Variants in YBX3 observed in about 807,000 individuals in gnomAD.
YBX3 encodes the protein Y-box-binding protein 3.
In YBX3, 29 loss-of-function variants were observed where a neutral mutation model predicts 42.4. The ratio of observed to expected loss-of-function variants is 0.68; its 90% CI spans 0.51 to 0.93. The LOEUF (loss-of-function observed/expected upper bound fraction) is 0.93, where lower values mean the gene tolerates loss of function less well. YBX3 is among the 40% of genes least tolerant of loss of function. YBX3 has a pLI of 0.00. For synonymous variants in YBX3, 195 were observed against 189.8 expected (o/e 1.03, Z -0.22); for missense variants, 517 against 527.5 (o/e 0.98, Z 0.19).
intron 6 of YBX3, among the ~76,000 whole-genome samples, chr12:10,705,006 C>T (rs1249983475): frequency 6.6e-6 from 1 of 152,212 alleles, no homozygotes; most frequent in East Asian, 1.9e-4. Context: ...TCAAGTTTCA[C>T]CATTTATCCC....
intron 2 of YBX3, 73 bp from the exon 3 acceptor site, chr12:10,718,194 T>G: frequency 7.3e-7 from 1 of 1,365,744 alleles, no homozygotes; most frequent in Non-Finnish European, 1.0e-6. Flanking sequence ...CTATGTGTTA[T>G]GAATTTAACT....
rs371143484 is a variant in YBX3 at position 10,703,948 on chromosome 12, T to A, written c.878+103A>T. 9.2e-5 allele frequency: 102 copies of A among 1,106,062 alleles called. No homozygotes were observed. In the African/African-American group the frequency reaches 1.4e-3, roughly 15 times the overall value. 68.5% of individuals were successfully genotyped at this position (1,106,062 alleles called of 1,614,324 possible). A position where few individuals can be genotyped will look rare whatever the true frequency, so the allele number is the denominator to read the frequency against. Reference sequence around the variant, plus strand: ...GGCATGTAGTCAAAGCATTCACATCTTCTAGATATATAATAAATCCACAAA... The same window carrying A: ...GGCATGTAGTCAAAGCATTCACATCATCTAGATATATAATAAATCCACAAA... On this transcript the variant is annotated intron_variant, in intron 7 of 9. Transcript: ENST00000228251.
Position 10,699,187 on chromosome 12 carries a change from C to T in YBX3, c.*502G>A, listed in dbSNP as rs182161188. 158 of 152,222 alleles carry T rather than the reference C, an allele frequency of 1.0e-3. No homozygotes were observed. The highest frequency in any genetic ancestry group is 3.7e-3 in the African/African-American group (152 of 41,404). 9.4% of individuals were successfully genotyped at this position (152,222 alleles called of 1,614,324 possible). ...GCAAAAATGTTATCCTCCCCTCATC[C>T]TAGAAATAAATAAGAAGGACATAAA... On this transcript the variant is annotated 3_prime_UTR_variant, in exon 10 of 10. Coordinates refer to ENST00000228251, the MANE Select transcript of YBX3 (RefSeq NM_003651.5).
intron 3 of YBX3, among the ~76,000 whole-genome samples, chr12:10,716,874 T>A (rs1026777747): frequency 1.3e-5 from 2 of 152,162 alleles, no homozygotes; most frequent in Non-Finnish European, 1.5e-5. Context: ...TGGGCAAGCC[T>A]CAACACATTG....
chr12:10,716,369 G>C (rs941101703), intron 3 of YBX3, among the ~76,000 whole-genome samples: 3 of 152,160 alleles, frequency 2.0e-5, no homozygotes, highest in South Asian at 2.1e-4. Context: ...GGGAAGTGGA[G>C]GAGGGGGAAT....
Position 10,723,002 on chromosome 12 carries a change from C to T in YBX3, c.110G>A (p.Gly37Asp). Reference protein sequence around the residue: ...PQDPAPKSPVGSGAPQAAAPA... With the variant: ...PQDPAPKSPVDSGAPQAAAPA... ...GGCCGCGGCCTGGGGCGCACCGCTG[C>T]CCACCGGGCTCTTGGGCGCGGGGTC... Residue 37 changes from glycine (G) to aspartate (D), a missense_variant, in exon 1 of 10, where the codon GGC becomes GAC. By Grantham distance (94) the Gly-to-Asp change is moderately conservative. Coordinates refer to ENST00000228251, the MANE Select transcript of YBX3 (RefSeq NM_003651.5). The T allele has an allele frequency of 8.3e-7, 1 of 1,210,462 alleles. No homozygotes were observed. The highest frequency in any genetic ancestry group is 1.0e-6 in the Non-Finnish European group (1 of 976,618). 75.0% of individuals were successfully genotyped at this position (1,210,462 alleles called of 1,614,324 possible).
chr12:10,721,500 T>C (rs918395214), intron 1 of YBX3, among the ~76,000 whole-genome samples: 1 of 152,208 alleles, frequency 6.6e-6, no homozygotes, highest in Non-Finnish European at 1.5e-5. Flanking sequence ...AAATATTTGC[T>C]AGAAACAACA....
intron 4 of YBX3, among the ~76,000 whole-genome samples, chr12:10,713,608 A>C (rs957441736): frequency 6.6e-6 from 1 of 152,236 alleles, no homozygotes; most frequent in Non-Finnish European, 1.5e-5. Context: ...AAAGAACATA[A>C]ATTAGCAAAT....
intron 3 of YBX3, 148 bp from the exon 4 acceptor site, chr12:10,715,931 CACA>C (rs368507678): frequency 1.6e-5 from 10 of 641,882 alleles, no homozygotes; most frequent in African/African-American, 9.1e-5. Flanking sequence ...GGATCTCCAA[CACA>C]ACAACAAGAA....
Position 10,715,751 on chromosome 12 carries a change from A to G in YBX3, c.393T>C (p.Tyr131=), listed in dbSNP as rs781244455. 2.5e-6 allele frequency: 4 copies of G among 1,613,926 alleles called. No individual in the cohort carries two copies. Among genetic ancestry groups the G allele is most frequent in the Non-Finnish European group, 3.4e-6 (4 of 1,179,986 alleles). ...TTTCTCCATCTCCTACACTGCGCAG[A>G]TATTTCCGTGGGTTATTCTTCTTGA... ...TAIKKNNPRK[Y]LRSVGDGETV... Residue 131 remains tyrosine (Y), a synonymous_variant, in exon 4 of 10, where the codon TAT becomes TAC. Transcript: ENST00000228251.
At chr12:10,713,764 CAT>C (rs1948227542) in intron 4 of YBX3, among the ~76,000 whole-genome samples, 1 of 152,214 alleles carries the variant, frequency 6.6e-6, no homozygotes. Context: ...TTCATGGGCT[CAT>C]ATGATTCTCT....
In YBX3 at chr12:10,704,033, G is replaced by C. The variant is rs376972136; in HGVS notation, c.878+18C>G. On this transcript the variant is annotated intron_variant, in intron 7 of 9. Coordinates refer to ENST00000228251, the MANE Select transcript of YBX3 (RefSeq NM_003651.5). ...ACACAAGTCCTTTAACTGGCCATTA[G>C]TGGAAAATGCGACATACCTACGGTA... The C allele has an allele frequency of 1.2e-6, 2 of 1,612,862 alleles. No individual in the cohort carries two copies. Among genetic ancestry groups the C allele is most frequent in the Non-Finnish European group, 1.7e-6 (2 of 1,179,028 alleles).
rs963978431 is a variant in YBX3 at position 10,715,881 on chromosome 12, T to A, written c.361-98A>T. 6 of 991,346 alleles carry A rather than the reference T, an allele frequency of 6.1e-6. No homozygotes were observed. The Admixed American group carries it at 1.3e-4, about 22-fold the overall frequency. 61.4% of individuals were successfully genotyped at this position (991,346 alleles called of 1,614,324 possible). On this transcript the variant is annotated intron_variant, in intron 3 of 9. Coordinates refer to ENST00000228251, the MANE Select transcript of YBX3 (RefSeq NM_003651.5). ...CACCAGAGTGAACTTGAAGAAACTG[T>A]TGACCGATTCTTATTTTTCCACCAT...
chr12:10,715,887 G>T, intron 3 of YBX3, 104 bp from the exon 4 acceptor site: 1 of 943,352 alleles, frequency 1.1e-6, no homozygotes, highest in Non-Finnish European at 1.6e-6. Context: ...ACTGTTGACC[G>T]ATTCTTATTT....
At chr12:10,718,699 G>T (rs1029521675) in intron 2 of YBX3, among the ~76,000 whole-genome samples, 1 of 152,206 alleles carries the variant, frequency 6.6e-6, no homozygotes, top group African/African-American at 2.4e-5. Context: ...TGGACCAGAA[G>T]TGAGTTAAAG....
intron 4 of YBX3, 111 bp downstream of exon 4, chr12:10,715,583 A>C: frequency 3.8e-5 from 36 of 959,392 alleles, no homozygotes; most frequent in Non-Finnish European, 5.6e-5. Context: ...ACTTCCTGCT[A>C]TTGTACAAAA....
intron 5 of YBX3, chr12:10,710,384 A>G (rs1948186981): frequency 2.2e-6 from 3 of 1,365,512 alleles, no homozygotes; most frequent in Admixed American, 6.3e-5. Flanking sequence ...TCATCTCATT[A>G]GAACTCGTAT....
At chr12:10,705,129 C>CT (rs1465807251) in intron 6 of YBX3, among the ~76,000 whole-genome samples, 3 of 152,136 alleles carry the variant, frequency 2.0e-5, no homozygotes, top group African/African-American at 4.8e-5. Context: ...GAGTCTCACT[C>CT]TGTCGCCAGG....
intron 8 of YBX3, among the ~76,000 whole-genome samples, chr12:10,701,673 T>C (rs554351907): frequency 6.2e-4 from 94 of 152,344 alleles, no homozygotes; most frequent in African/African-American, 2.0e-3. Context: ...CAACTCATGC[T>C]TAGAGGCAGC....
Sources: gnomAD v4.1 joint callset for allele counts (sites outside exome capture counted in the v4.1 genomes callset) on GRCh38, gnomAD v4.1.1 for gene constraint, MANE v1.5 for transcripts, NCBI Gene and HGNC (gene_info 2026-07-23, HGNC 2026-07-21) for gene names.